Variants in TANC1 observed in about 807,000 individuals in gnomAD.
TANC1 encodes the protein tetratricopeptide repeat, ankyrin repeat and coiled-coil containing 1.
A neutral mutation model predicts 149.7 loss-of-function variants in TANC1; 77 were observed. The ratio of observed to expected loss-of-function variants is 0.51; its 90% CI spans 0.43 to 0.62. The LOEUF (loss-of-function observed/expected upper bound fraction) is 0.62. Ranked by LOEUF, TANC1 falls within the 20% of genes least tolerant of loss-of-function variation. The pLI is 0.00. For synonymous variants in TANC1, 854 were observed against 925.0 expected (o/e 0.92, Z 1.39); for missense variants, 1,985 against 2,321.8 (o/e 0.85, Z 2.98).
chr2:159,228,106 G>A, intron 25 of TANC1, 141 bp downstream of exon 25: 2 of 866,060 alleles, frequency 2.3e-6, no homozygotes, highest in Admixed American at 2.5e-5. Context: ...TGGCATGTGG[G>A]AAACAGCTCC....
intron 2 of TANC1, among the ~76,000 whole-genome samples, chr2:159,006,166 G>A (rs1343182920): frequency 2.0e-5 from 3 of 151,892 alleles, no homozygotes; most frequent in African/African-American, 4.8e-5. Flanking sequence ...GAGTGGTGGT[G>A]CACACCTGTA....
At chr2:158,987,618 AGGTTCCCCTTCCCCTCTGTC>A (rs2035161962) in intron 1 of TANC1, among the ~76,000 whole-genome samples, 1 of 152,180 alleles carries the variant, frequency 6.6e-6, no homozygotes, top group Non-Finnish European at 1.5e-5. Context: ...TAACCAGCCT[AGGTTCCCCTTCCCCTCTGTC>A]ATGCATGTCT....
At chr2:158,982,953 A>T (rs1231578016) in intron 1 of TANC1, among the ~76,000 whole-genome samples, 1 of 152,160 alleles carries the variant, frequency 6.6e-6, no homozygotes, top group African/African-American at 2.4e-5. Flanking sequence ...ATTCTGGATC[A>T]GTTGTTAAAT....
chr2:159,065,336 G>C (rs1314260942), intron 2 of TANC1, among the ~76,000 whole-genome samples: 1 of 152,214 alleles, frequency 6.6e-6, no homozygotes, highest in African/African-American at 2.4e-5. Flanking sequence ...GGTGTGTGCT[G>C]TTTAATTGGG....
At position 159,172,228 on chromosome 2, in the gene TANC1, A is replaced by G. The variant is rs1458852493; in HGVS notation, c.1459A>G (p.Asn487Asp). The change falls in exon 11 of 27, where the codon AAC becomes GAC. Residue 487 changes from asparagine to aspartate, a missense_variant. Around this residue, in one of 3 missense-constraint regions of TANC1, gnomAD observed 557 missense variants for 612.9 expected, o/e 0.91. Coordinates refer to ENST00000263635, the MANE Select transcript of TANC1 (RefSeq NM_033394.3). The part of the protein sequence containing the change: ...KTPLGSISAE[N>D]QRPREDAVKY... Reference sequence around the variant, plus strand: ...ACCTCTTGGGTCTATCAGTGCTGAAAACCAGAGACCAAGAGAGGATGCAGT... The same window carrying G: ...ACCTCTTGGGTCTATCAGTGCTGAAGACCAGAGACCAAGAGAGGATGCAGT... The G allele has an allele frequency of 3.7e-6, 6 of 1,614,198 alleles. No homozygotes were observed. Among genetic ancestry groups the G allele is most frequent in the Non-Finnish European group, 5.1e-6 (6 of 1,180,018 alleles).
intron 2 of TANC1, among the ~76,000 whole-genome samples, chr2:159,012,884 C>G (rs1364280584): frequency 2.0e-5 from 3 of 152,106 alleles, no homozygotes; most frequent in Admixed American, 6.6e-5. Context: ...GGAGGCTACT[C>G]TTTCGGTGTT....
At chr2:159,024,618 G>A (rs1041698898) in intron 2 of TANC1, among the ~76,000 whole-genome samples, 1 of 152,104 alleles carries the variant, frequency 6.6e-6, no homozygotes, top group African/African-American at 2.4e-5. Flanking sequence ...GGGCATGGTG[G>A]CATGTGTCTG....
At chr2:159,216,354 G>T in intron 19 of TANC1, among the ~76,000 whole-genome samples, 1 of 152,146 alleles carries the variant, frequency 6.6e-6, no homozygotes, top group East Asian at 1.9e-4. Flanking sequence ...AGCCATCCCA[G>T]GCACGTGCTG....
In TANC1 at chr2:159,150,479, C is replaced by T. The variant is rs544781698; in HGVS notation, c.605C>T (p.Thr202Met). 54 of 1,614,058 alleles carry T rather than the reference C, an allele frequency of 3.3e-5. No individual in the cohort carries two copies. Among genetic ancestry groups the T allele is most frequent in the Middle Eastern group, 1.7e-4 (1 of 6,060 alleles). The change falls in exon 7 of 27, where the codon ACG becomes ATG. Residue 202 changes from threonine (T) to methionine (M), a missense_variant. Around this residue, in one of 3 missense-constraint regions of TANC1, gnomAD observed 557 missense variants for 612.9 expected, o/e 0.91. Transcript: ENST00000263635. ...ACCTTGAATAGCTGTGTCAGCAAGACGGCAGCCAACAAAAGTCCCTGTGAG... is the reference window on the plus strand; with the variant it reads ...ACCTTGAATAGCTGTGTCAGCAAGATGGCAGCCAACAAAAGTCCCTGTGAG... ...CSTLNSCVSK[T>M]AANKSPCETI...
At chr2:159,033,101 G>T (rs1355337243) in intron 2 of TANC1, among the ~76,000 whole-genome samples, 1 of 152,170 alleles carries the variant, frequency 6.6e-6, no homozygotes, top group East Asian at 1.9e-4. Context: ...AGGTTCAGTG[G>T]GATGTCATGG....
intron 4 of TANC1, among the ~76,000 whole-genome samples, chr2:159,106,873 A>G (rs1239774629): frequency 2.0e-5 from 3 of 152,222 alleles, no homozygotes; most frequent in African/African-American, 2.4e-5. Context: ...ATGTGAACTG[A>G]TATCTCATTG....
At chr2:159,004,825 C>G (rs1483635672) in intron 2 of TANC1, among the ~76,000 whole-genome samples, 1 of 152,174 alleles carries the variant, frequency 6.6e-6, no homozygotes. Flanking sequence ...GACAGACACA[C>G]ACACAAATAT....
In TANC1 at chr2:159,136,002, T is replaced by TGTGTGTG. The variant is rs2050630309; in HGVS notation, c.260-192_260-191insGTGTGTG. The stretch of plus-strand genomic sequence containing the variant: ...ACGTTCCCTCGTCTGTACTGAAATT[T>TGTGTGTG]TGTGTGTGTGTGTGTGTGTGTGTGT... On this transcript the variant is annotated intron_variant, in intron 4 of 26. Transcript: ENST00000263635. Among the ~76,000 whole-genome samples the TGTGTGTG allele has an allele frequency of 4.6e-5, 5 of 107,882 alleles. No homozygotes were observed. In the South Asian group the frequency reaches 1.2e-3, roughly 26 times the overall value. 70.8% of individuals were successfully genotyped at this position (107,882 alleles called of 152,430 possible). A position where few individuals can be genotyped will look rare whatever the true frequency, so the allele number is the denominator to read the frequency against.
chr2:159,172,413 A>C, intron 11 of TANC1, 141 bp downstream of exon 11: 1 of 773,722 alleles, frequency 1.3e-6, no homozygotes, highest in East Asian at 2.7e-5. Flanking sequence ...ATAGTGATAC[A>C]GTTCTCCAAG....
At chr2:159,074,773 A>C (rs568827263) in intron 3 of TANC1, among the ~76,000 whole-genome samples, 2 of 152,228 alleles carry the variant, frequency 1.3e-5, no homozygotes, top group South Asian at 2.1e-4. Flanking sequence ...TTAACAATAG[A>C]AACTTATTTC....
chr2:159,099,718 C>T (rs1449881253), intron 4 of TANC1, among the ~76,000 whole-genome samples: 1 of 148,480 alleles, frequency 6.7e-6, no homozygotes, highest in Non-Finnish European at 1.5e-5. Context: ...TTCCAGGTGA[C>T]ATCTGGTCAC....
rs935598707 is a variant in TANC1 at position 159,023,497 on chromosome 2, C to T, written c.-16+22308C>T. On this transcript the variant is annotated intron_variant, in intron 2 of 26. Transcript: ENST00000263635. ...CTGGGACCACAGGCACATACAACCA[C>T]GCCTGGGTACTTTTTTGTATTTTTG... Among the ~76,000 whole-genome samples the T allele has an allele frequency of 7.9e-5, 12 of 151,916 alleles. 1 individual carries two copies. Among genetic ancestry groups the T allele is most frequent in the South Asian group, 6.2e-4 (3 of 4,806 alleles).
chr2:159,208,977 C>T (rs1375580807), intron 19 of TANC1, among the ~76,000 whole-genome samples: 2 of 152,196 alleles, frequency 1.3e-5, no homozygotes, highest in Non-Finnish European at 2.9e-5. Context: ...CTAAACATGT[C>T]TAAACATAGA....
rs572152142 is a variant in TANC1, at chr2:158,979,329, A to AT, written c.-126+10556dup. Among the ~76,000 whole-genome samples the AT allele has an allele frequency of 1.5e-3, 223 of 151,416 alleles. 2 individuals are homozygous for AT. Among genetic ancestry groups the AT allele is most frequent in the Non-Finnish European group, 2.9e-3 (198 of 67,800 alleles). On this transcript the variant is annotated intron_variant, in intron 1 of 26. Transcript: ENST00000263635. ...CATAGGAAGTCTCTGTCTCTACAAA[A>AT]TTTTTTTTTAAAAATTAGCCAGGCA...
Sources: gnomAD v4.1 joint callset for allele counts (sites outside exome capture counted in the v4.1 genomes callset) on GRCh38, gnomAD v4.1.1 for gene constraint, gnomAD v4.1.1 regional missense constraint, MANE v1.5 for transcripts, NCBI Gene and HGNC (gene_info 2026-07-23, HGNC 2026-07-21) for gene names.